The following RALY variants were observed in gnomAD, a reference collection of about 807,000 sequenced individuals.
RALY encodes RALY heterogeneous nuclear ribonucleoprotein, also known as RNA-binding protein Raly.
In RALY, 15 loss-of-function variants were observed where a neutral mutation model predicts 30.7. That is an observed-to-expected ratio of 0.49 (90% CI 0.33 to 0.75). The LOEUF is 0.75. Among genes scored for constraint, RALY ranks in the 30% least tolerant of loss-of-function variants. The pLI is 0.02. For synonymous variants in RALY, 177 were observed against 170.8 expected, an observed-to-expected ratio of 1.04 and a Z score of -0.28; for missense variants, 339 against 414.3, an observed-to-expected ratio of 0.82 and a Z score of 1.58.
chr20:34,009,241 T>G (rs1043222435), intron 1 of RALY, among the ~76,000 whole-genome samples: 3 of 151,854 alleles, frequency 2.0e-5, no homozygotes, highest in South Asian at 2.1e-4. Flanking sequence ...GGTTTTTTTT[T>G]GTTTTGTTTT....
intron 2 of RALY, among the ~76,000 whole-genome samples, chr20:34,067,366 A>G (rs2033603442): frequency 6.6e-6 from 1 of 151,472 alleles, no homozygotes; most frequent in East Asian, 1.9e-4. Flanking sequence ...GGGTTTCACC[A>G]TGTTAGCTAG....
rs961097010 is a variant in RALY, at chr20:34,081,587, G to T, written c.*1682G>T. 9 of 152,274 alleles carry T rather than the reference G, an allele frequency of 5.9e-5. No individual in the cohort carries two copies. Among genetic ancestry groups the T allele is most frequent in the Admixed American group, 2.0e-4 (3 of 15,282 alleles). 9.4% of individuals were successfully genotyped at this position (152,274 alleles called of 1,614,324 possible). ...CCATTTCAAACCAACCCGGTCTACA[G>T]CCTCCAGGGAAGCTTCCTCCTGGGC... On this transcript the variant is annotated 3_prime_UTR_variant, in exon 10 of 10. Transcript: ENST00000246194.
chr20:34,009,378 A>G (rs1282149994), intron 1 of RALY, among the ~76,000 whole-genome samples: 5 of 152,074 alleles, frequency 3.3e-5, no homozygotes, highest in African/African-American at 1.2e-4. Flanking sequence ...AGCTGGGACT[A>G]CAGGTGCGCG....
At position 34,078,527 on chromosome 20, in the gene RALY, C is replaced by T. The variant is rs780376838; in HGVS notation, c.899C>T (p.Ala300Val). ...EELEHSQDTD[A>V]DDGALQ ...CAGGAACACAGCCAGGACACAGACG[C>T]GGATGATGGGGCCTTGCAGTAAGCA... Residue 300 changes from alanine (A) to valine (V), a missense_variant, in exon 9 of 10, where the codon GCG becomes GTG. Ala to Val is a moderately conservative substitution (Grantham distance 64, BLOSUM62 0). Transcript: ENST00000246194. The T allele has an allele frequency of 4.3e-5, 69 of 1,589,188 alleles. No individual in the cohort carries two copies. Among genetic ancestry groups the T allele is most frequent in the Non-Finnish European group, 5.8e-5 (68 of 1,167,758 alleles).
At chr20:34,013,382 C>T (rs1393553055) in intron 1 of RALY, among the ~76,000 whole-genome samples, 1 of 144,610 alleles carries the variant, frequency 6.9e-6, no homozygotes, top group Non-Finnish European at 1.5e-5. Flanking sequence ...TTACTATACT[C>T]CAGCTTAGGC....
chr20:34,008,857 A>T (rs941811695), intron 1 of RALY, among the ~76,000 whole-genome samples: 1 of 151,970 alleles, frequency 6.6e-6, no homozygotes, highest in African/African-American at 2.4e-5. Context: ...ATGAGTTATT[A>T]CTTTGTTACC....
At chr20:34,072,928 TAGTG>T (rs1461480706) in intron 3 of RALY, among the ~76,000 whole-genome samples, 1 of 93,948 alleles carries the variant, frequency 1.1e-5, no homozygotes, top group Non-Finnish European at 2.3e-5. Flanking sequence ...TGTATAGATG[TAGTG>T]TGTGTGTGTG....
At chr20:34,032,016 G>GTAAT (rs2032299133) in intron 2 of RALY, among the ~76,000 whole-genome samples, 1 of 152,182 alleles carries the variant, frequency 6.6e-6, no homozygotes, top group Non-Finnish European at 1.5e-5. Flanking sequence ...AGACTGCAGT[G>GTAAT]CAATGGCACG....
chr20:34,013,269 C>T (rs945585243), intron 1 of RALY, among the ~76,000 whole-genome samples: 4 of 151,720 alleles, frequency 2.6e-5, no homozygotes, highest in African/African-American at 9.7e-5. Flanking sequence ...AAAACTAGCT[C>T]GCATAATGGG....
At chr20:34,022,838 A>T (rs1360761210) in intron 1 of RALY, among the ~76,000 whole-genome samples, 1 of 152,000 alleles carries the variant, frequency 6.6e-6, no homozygotes, top group Non-Finnish European at 1.5e-5. Context: ...GGGACTTGGG[A>T]TTTCTTCTCT....
chr20:34,027,265 T>C (rs2032079197), intron 1 of RALY, among the ~76,000 whole-genome samples: 1 of 152,250 alleles, frequency 6.6e-6, no homozygotes, highest in Non-Finnish European at 1.5e-5. Context: ...GTTCAAATGC[T>C]AGCTTTGTTG....
chr20:34,077,571 C>G, intron 8 of RALY: 3 of 442,280 alleles, frequency 6.8e-6, no homozygotes, highest in Non-Finnish European at 1.2e-5. Flanking sequence ...CAGAGCAGGG[C>G]TGGGGTGGCT....
At chr20:34,030,931 C>A (rs2032244124) in intron 1 of RALY, among the ~76,000 whole-genome samples, 2 of 152,108 alleles carry the variant, frequency 1.3e-5, no homozygotes, top group African/African-American at 4.8e-5. Flanking sequence ...AGAGGCCCCT[C>A]CCTGACCATT....
chr20:34,001,924 G>A (rs1287966698), intron 1 of RALY, among the ~76,000 whole-genome samples: 2 of 151,976 alleles, frequency 1.3e-5, no homozygotes, highest in Non-Finnish European at 2.9e-5. Context: ...CCACCACCAC[G>A]CCCGGCTAAT....
At chr20:34,031,175 G>T (rs2032260222) in intron 1 of RALY, among the ~76,000 whole-genome samples, 1 of 149,494 alleles carries the variant, frequency 6.7e-6, no homozygotes, top group East Asian at 2.0e-4. Context: ...CTCCCAAGTA[G>T]CTGGGGTTAC....
intron 1 of RALY, among the ~76,000 whole-genome samples, chr20:34,006,874 C>T (rs989651150): frequency 3.9e-5 from 6 of 152,096 alleles, no homozygotes; most frequent in Non-Finnish European, 8.8e-5. Context: ...AATGTATCCC[C>T]GTTGCTAAGT....
At chr20:34,036,576 T>C (rs923134614) in intron 2 of RALY, among the ~76,000 whole-genome samples, 14 of 152,240 alleles carry the variant, frequency 9.2e-5, no homozygotes, top group African/African-American at 3.4e-4. Context: ...CCTCCTCCTC[T>C]GATTTCTGAA....
In RALY at chr20:34,078,497, C is replaced by G; in HGVS notation, c.877-8C>G. 2 of 1,580,858 alleles carry G rather than the reference C, an allele frequency of 1.3e-6. No homozygotes were observed. The highest frequency in any genetic ancestry group is 8.6e-7 in the Non-Finnish European group (1 of 1,163,426). On this transcript the variant is annotated splice_polypyrimidine_tract_variant and splice_region_variant and intron_variant, in intron 8 of 9. Transcript: ENST00000246194. Reference sequence around the variant, plus strand: ...GATGTGTGGTCTCTCTTACCTCCTCCCTATCAGGAACACAGCCAGGACACA... The same window carrying G: ...GATGTGTGGTCTCTCTTACCTCCTCGCTATCAGGAACACAGCCAGGACACA...
At chr20:34,026,188 G>T (rs1451244606) in intron 1 of RALY, among the ~76,000 whole-genome samples, 1 of 151,854 alleles carries the variant, frequency 6.6e-6, no homozygotes, top group Admixed American at 6.6e-5. Flanking sequence ...TTGGAGCCCT[G>T]AGCAACTTGT....
Sources: allele counts gnomAD v4.1 joint callset (sites outside exome capture counted in the v4.1 genomes callset), GRCh38; gene constraint gnomAD v4.1.1; transcripts MANE v1.5; gene names NCBI Gene and HGNC (gene_info 2026-07-23, HGNC 2026-07-21).